Variants in FAM178B observed in about 807,000 individuals in gnomAD.
FAM178B encodes protein FAM178B.
Under a neutral mutation model 91.7 loss-of-function variants are expected in FAM178B, and 82 were observed. The ratio of observed to expected loss-of-function variants is 0.89; its 90% CI spans 0.75 to 1.07. FAM178B has a LOEUF of 1.07. Among genes scored for constraint, FAM178B ranks in the 50% least tolerant of loss-of-function variants. FAM178B has a pLI of 0.00. For missense variants in FAM178B, 769 were observed against 846.7 expected (o/e 0.91, Z 1.14); for synonymous variants, 368 against 359.4 (o/e 1.02, Z -0.27).
intron 14 of FAM178B, among the ~76,000 whole-genome samples, chr2:96,881,567 C>A (rs2080386325): frequency 1.3e-5 from 2 of 152,078 alleles, no homozygotes; most frequent in African/African-American, 4.8e-5. Flanking sequence ...GGAGGCCCGG[C>A]TGCAGAACTT....
At chr2:96,919,622 T>A (rs949098033) in intron 12 of FAM178B, among the ~76,000 whole-genome samples, 1 of 151,564 alleles carries the variant, frequency 6.6e-6, no homozygotes, top group Admixed American at 6.6e-5. Flanking sequence ...CAAAGCAGAG[T>A]GGATGGGCGG....
intron 1 of FAM178B, among the ~76,000 whole-genome samples, chr2:96,976,974 C>A (rs946825217): frequency 6.6e-6 from 1 of 152,072 alleles, no homozygotes; most frequent in African/African-American, 2.4e-5. Flanking sequence ...GTGAGTGGAT[C>A]ACCTGAGGTC....
At chr2:96,923,007 C>T (rs997595683) in intron 10 of FAM178B, among the ~76,000 whole-genome samples, 7 of 148,460 alleles carry the variant, frequency 4.7e-5, no homozygotes, top group African/African-American at 7.5e-5. Context: ...CTCGCTCTGT[C>T]GCCCAGGCTG....
intron 13 of FAM178B, among the ~76,000 whole-genome samples, chr2:96,898,603 G>A (rs539665799): frequency 1.1e-3 from 161 of 152,264 alleles, no homozygotes; most frequent in African/African-American, 3.6e-3. Flanking sequence ...GCAGTGAGTC[G>A]TGATCACACC....
chr2:96,902,587 G>A (rs1245399816), intron 13 of FAM178B, 33 bp downstream of exon 13: 2 of 1,473,782 alleles, frequency 1.4e-6, no homozygotes, highest in Non-Finnish European at 9.3e-7. Flanking sequence ...GCAGGCCATG[G>A]CCTTCCTGCC....
chr2:96,965,432 C>T (rs765358230), intron 5 of FAM178B, among the ~76,000 whole-genome samples: 1 of 151,966 alleles, frequency 6.6e-6, no homozygotes, highest in Non-Finnish European at 1.5e-5. Flanking sequence ...CCACCCTACC[C>T]GCAGCATGTA....
chr2:96,920,173 G>A (rs72811663), intron 12 of FAM178B, among the ~76,000 whole-genome samples: 13,568 of 152,214 alleles, frequency 0.089, 1,158 homozygotes, highest in African/African-American at 0.23. Context: ...GGTCTGCTCC[G>A]GAAAGGGCAG....
At chr2:96,961,310 A>AGG (rs142248582) in intron 5 of FAM178B, among the ~76,000 whole-genome samples, 913 of 78,852 alleles carry the variant, frequency 0.012, 9 homozygotes, top group African/African-American at 0.051. Flanking sequence ...ACAGCAGCAG[A>AGG]GGGTGTGTGT....
At chr2:96,933,577 C>A (rs564846657) in intron 8 of FAM178B, among the ~76,000 whole-genome samples, 3 of 152,226 alleles carry the variant, frequency 2.0e-5, no homozygotes, top group African/African-American at 4.8e-5. Context: ...CTCCTGCCCC[C>A]CTTCTGGGCC....
At chr2:96,926,697 A>G (rs2081444934) in intron 9 of FAM178B, among the ~76,000 whole-genome samples, 1 of 152,192 alleles carries the variant, frequency 6.6e-6, no homozygotes. Flanking sequence ...GGAGATCTGC[A>G]TGGCCCAGCT....
intron 6 of FAM178B, among the ~76,000 whole-genome samples, chr2:96,955,916 C>T (rs2081993481): frequency 6.6e-6 from 1 of 152,220 alleles, no homozygotes; most frequent in Non-Finnish European, 1.5e-5. Context: ...GGCTGCCGGG[C>T]CTCCGGGAGA....
In FAM178B at chr2:96,875,957, G is replaced by A; in HGVS notation, c.*319C>T. ...CAGGGAGACAGAGGAAGGAGGGTGG[G>A]GAGGACTGAGGCCCAGGGAAACCAG... is the stretch of plus-strand genomic sequence containing the variant. On this transcript the variant is annotated 3_prime_UTR_variant, in exon 17 of 17. Transcript: ENST00000490605. 1 of 412,538 alleles carries A rather than the reference G, an allele frequency of 2.4e-6. No individual in the cohort carries two copies. The highest frequency in any genetic ancestry group is 4.5e-5 in the East Asian group (1 of 22,288). The allele number at this position is 412,538 out of a possible 1,614,324, so 25.6% of individuals were successfully genotyped here.
intron 13 of FAM178B, among the ~76,000 whole-genome samples, chr2:96,899,280 C>T (rs1300620584): frequency 2.6e-5 from 4 of 152,268 alleles, no homozygotes; most frequent in Admixed American, 6.5e-5. Context: ...AGCTGCCGCA[C>T]TGTGCCTGGA....
intron 7 of FAM178B, among the ~76,000 whole-genome samples, chr2:96,949,830 G>C (rs574458184): frequency 1.2e-4 from 18 of 152,322 alleles, no homozygotes; most frequent in African/African-American, 3.8e-4. Flanking sequence ...CTCTGTGGGG[G>C]CACAAGGACA....
intron 12 of FAM178B, among the ~76,000 whole-genome samples, chr2:96,906,135 C>T (rs2081050716): frequency 6.7e-6 from 1 of 150,300 alleles, no homozygotes; most frequent in African/African-American, 2.4e-5. Context: ...CTGCCCACCT[C>T]AGCCTCCCAA....
chr2:96,930,324 C>T (rs1245274687), intron 8 of FAM178B, among the ~76,000 whole-genome samples: 2 of 146,680 alleles, frequency 1.4e-5, no homozygotes, highest in Non-Finnish European at 1.5e-5. Context: ...TACTTAAGGA[C>T]ATTTTTATAA....
intron 8 of FAM178B, among the ~76,000 whole-genome samples, chr2:96,942,120 GAATAA>G (rs1304873098): frequency 1.3e-5 from 2 of 152,224 alleles, no homozygotes; most frequent in South Asian, 2.1e-4. Context: ...AGCACCAAAA[GAATAA>G]AATACTTAGG....
At chr2:96,916,132 A>G (rs2081237747) in intron 12 of FAM178B, among the ~76,000 whole-genome samples, 1 of 152,190 alleles carries the variant, frequency 6.6e-6, no homozygotes, top group African/African-American at 2.4e-5. Flanking sequence ...AATCTTTGCC[A>G]TCTAGTTCCC....
intron 5 of FAM178B, among the ~76,000 whole-genome samples, chr2:96,963,501 TG>T (rs1315712663): frequency 6.6e-6 from 1 of 152,234 alleles, no homozygotes; most frequent in African/African-American, 2.4e-5. Context: ...TGGGAGTCCA[TG>T]TGGGACGTCA....
Sources: gnomAD v4.1 joint callset for allele counts (sites outside exome capture counted in the v4.1 genomes callset) on GRCh38, gnomAD v4.1.1 for gene constraint, MANE v1.5 for transcripts, NCBI Gene and HGNC (gene_info 2026-07-23, HGNC 2026-07-21) for gene names.